The following COBLL1 variants were observed in gnomAD, a reference collection of about 807,000 sequenced individuals.
The protein encoded by COBLL1 is cordon-bleu WH2 repeat protein like 1.
In COBLL1, 50 loss-of-function variants were observed where a neutral mutation model predicts 94.8. The observed-to-expected ratio is 0.53, with a 90% CI of 0.42 to 0.67. The LOEUF (loss-of-function observed/expected upper bound fraction) is 0.67. COBLL1 is among the 30% of genes least tolerant of loss of function. The probability of loss-of-function intolerance (pLI) is 0.00; values close to 1 mark genes in which losing one functional copy is unlikely to be tolerated. For missense variants in COBLL1, 1,362 were observed against 1,348.7 expected (o/e 1.01, Z -0.15); for synonymous variants, 448 against 473.8 (o/e 0.95, Z 0.71).
chr2:164,776,497 C>T (rs1231845992), intron 2 of COBLL1, among the ~76,000 whole-genome samples: 5 of 152,142 alleles, frequency 3.3e-5, no homozygotes, highest in Non-Finnish European at 7.3e-5. Flanking sequence ...GATTCTTAAT[C>T]AAGTCTACGG....
chr2:164,776,964 A>C (rs756359893), intron 2 of COBLL1, among the ~76,000 whole-genome samples: 3 of 152,168 alleles, frequency 2.0e-5, no homozygotes, highest in Admixed American at 6.5e-5. Flanking sequence ...AAAGTAACTA[A>C]AGACAGTTCC....
chr2:164,803,564 C>CAAAAAAAAA (rs368867904), intron 2 of COBLL1, among the ~76,000 whole-genome samples: 6 of 141,082 alleles, frequency 4.3e-5, no homozygotes, highest in South Asian at 2.3e-4. Context: ...GACTCTGTCT[C>CAAAAAAAAA]AAAAATAAAT....
chr2:164,765,591 G>A (rs1211721020), intron 2 of COBLL1, among the ~76,000 whole-genome samples: 1 of 152,096 alleles, frequency 6.6e-6, no homozygotes, highest in Admixed American at 6.5e-5. Context: ...AGTGGAGAAA[G>A]CTAAAGCAAA....
chr2:164,700,731 A>C lies in COBLL1; in HGVS notation c.1251T>G (p.Leu417=). Residue 417 remains leucine (L), a synonymous_variant, in exon 10 of 14, where the codon CTT becomes CTG. Coordinates refer to ENST00000652658, the MANE Select transcript of COBLL1 (RefSeq NM_001365672.2). ...GTTCTTCCTTTTCATCTATCTCTTC[A>C]AGGCTATAATCAGAGCTTATTCCAG... is the stretch of plus-strand genomic sequence containing the variant. ...SPAGISSDYS[L]EEIDEKEELS... 1.2e-6 allele frequency: 2 copies of C among 1,609,530 alleles called. No homozygotes were observed. The highest frequency in any genetic ancestry group is 2.7e-5 in the African/African-American group (2 of 74,966).
chr2:164,743,842 T>C lies in COBLL1; in HGVS notation c.75A>G (p.Pro25=). The C allele has an allele frequency of 6.3e-7, 1 of 1,580,826 alleles. No homozygotes were observed. The change falls in exon 3 of 14, where the codon CCA becomes CCG. Residue 25 remains proline, a synonymous_variant. Coordinates refer to ENST00000652658, the MANE Select transcript of COBLL1 (RefSeq NM_001365672.2). ...AGACATCAGTATATTTGGTCTCAGC[T>C]GGAGGAAGTGGTGCCTTGGCTTTTG... ...RKPKAKAPLP[P]AETKYTDVSS... is the part of the protein sequence containing the mutation.
intron 2 of COBLL1, chr2:164,779,594 C>A: frequency 2.2e-6 from 1 of 461,482 alleles, no homozygotes; most frequent in Admixed American, 2.4e-5. Flanking sequence ...AACACAGAGC[C>A]TATTTCCACA....
At chr2:164,769,259 T>C (rs1013863760) in intron 2 of COBLL1, among the ~76,000 whole-genome samples, 1 of 152,168 alleles carries the variant, frequency 6.6e-6, no homozygotes, top group African/African-American at 2.4e-5. Context: ...CCCTGATTCA[T>C]AGAAAACAAG....
chr2:164,741,592 T>C (rs1213676431), intron 3 of COBLL1, among the ~76,000 whole-genome samples: 2 of 151,764 alleles, frequency 1.3e-5, no homozygotes, highest in Non-Finnish European at 2.9e-5. Flanking sequence ...TTTAATCATA[T>C]TTAATCCTAT....
chr2:164,717,773 A>AGGTT (rs1685248416), intron 7 of COBLL1, among the ~76,000 whole-genome samples: 1 of 152,070 alleles, frequency 6.6e-6, no homozygotes, highest in Non-Finnish European at 1.5e-5. Context: ...TTTGTGGCCC[A>AGGTT]GGTTGGTCTT....
intron 13 of COBLL1, chr2:164,687,580 A>G (rs879360424): frequency 1.7e-5 from 20 of 1,192,118 alleles, no homozygotes; most frequent in Middle Eastern, 2.5e-4. Flanking sequence ...GGCACCTCGC[A>G]TGCCTGTTTG....
chr2:164,800,677 T>A, intron 2 of COBLL1: 1 of 640,050 alleles, frequency 1.6e-6, no homozygotes, highest in Non-Finnish European at 2.8e-6. Context: ...GGTGAATGGA[T>A]AAAGAAACTG....
At chr2:164,764,487 C>T (rs1687841207) in intron 2 of COBLL1, among the ~76,000 whole-genome samples, 2 of 152,066 alleles carry the variant, frequency 1.3e-5, no homozygotes, top group South Asian at 4.1e-4. Context: ...TTCAAAAATG[C>T]ATATTATCCA....
Position 164,700,706 on chromosome 2 carries a change from G to A in COBLL1, c.1276C>T (p.Leu426=). 6.2e-7 allele frequency: 1 copy of A among 1,613,202 alleles called. No individual in the cohort carries two copies. The highest frequency in any genetic ancestry group is 8.5e-7 in the Non-Finnish European group (1 of 1,179,350). Residue 426 remains leucine, a synonymous_variant, in exon 10 of 14, where the codon CTG becomes TTG. Coordinates refer to ENST00000652658, the MANE Select transcript of COBLL1 (RefSeq NM_001365672.2). ...GCTTCAACTTTAGGCACTTCACTCA[G>A]TTCTTCCTTTTCATCTATCTCTTCA... ...SLEEIDEKEE[L]SEVPKVEAEN...
intron 1 of COBLL1, among the ~76,000 whole-genome samples, chr2:164,670,817 T>C (rs915701885): frequency 1.3e-5 from 2 of 152,040 alleles, no homozygotes; most frequent in East Asian, 3.9e-4. Flanking sequence ...AAGAGGAAAG[T>C]TTGTCCCACA....
chr2:164,764,352 T>A (rs1311209904), intron 2 of COBLL1, among the ~76,000 whole-genome samples: 1 of 152,198 alleles, frequency 6.6e-6, no homozygotes, highest in Non-Finnish European at 1.5e-5. Flanking sequence ...AAAATAAATA[T>A]CTAAATGTAT....
At chr2:164,667,952 T>C (rs1033318822) in intron 1 of COBLL1, among the ~76,000 whole-genome samples, 21 of 151,344 alleles carry the variant, frequency 1.4e-4, no homozygotes, top group Non-Finnish European at 3.1e-4. Flanking sequence ...CTTTCTTTTT[T>C]TTTTTTTTTT....
rs1373291835 is a variant in COBLL1, at chr2:164,699,084, A to G, written c.1555+321T>C. ...TTTTAAGATCCAAAGTCTAAATTAG[A>G]TAATTTCTATGTTTTAACAACAAAA... On this transcript the variant is annotated intron_variant, in intron 11 of 13. Transcript: ENST00000652658. Among the ~76,000 whole-genome samples, 4 of 120,708 alleles carry G rather than the reference A, an allele frequency of 3.3e-5. No homozygotes were observed. In the East Asian group the frequency reaches 5.9e-4, roughly 18 times the overall value. 79.2% of individuals were successfully genotyped at this position (120,708 alleles called of 152,430 possible). A position where few individuals can be genotyped will look rare whatever the true frequency, so the allele number is the denominator to read the frequency against.
chr2:164,705,197 T>C lies in COBLL1; in HGVS notation c.997-92A>G, dbSNP rs572270916. 31 of 967,842 alleles carry C rather than the reference T, an allele frequency of 3.2e-5. No homozygotes were observed. The East Asian group carries it at 8.9e-4, about 28-fold the overall frequency. The allele number at this position is 967,842 out of a possible 1,614,324, so 60.0% of individuals were successfully genotyped here. A position where few individuals can be genotyped will look rare whatever the true frequency, so the allele number is the denominator to read the frequency against. On this transcript the variant is annotated intron_variant, in intron 7 of 13. Coordinates refer to ENST00000652658, the MANE Select transcript of COBLL1 (RefSeq NM_001365672.2). ...TGAACTTTACGTCAAGCACAGGATA[T>C]ATCCAAATGGAACATAACAGTCATT...
intron 13 of COBLL1, among the ~76,000 whole-genome samples, chr2:164,686,323 C>T (rs768088531): frequency 2.6e-5 from 4 of 152,068 alleles, no homozygotes; most frequent in Non-Finnish European, 4.4e-5. Context: ...GCAAACCAAG[C>T]TGTTAAAGAG....
Sources: gnomAD v4.1 joint callset for allele counts (sites outside exome capture counted in the v4.1 genomes callset) on GRCh38, gnomAD v4.1.1 for gene constraint, MANE v1.5 for transcripts, NCBI Gene and HGNC (gene_info 2026-07-23, HGNC 2026-07-21) for gene names.